The following PLAT variants were observed in gnomAD, a reference collection of about 807,000 sequenced individuals.
The protein encoded by PLAT is plasminogen activator, tissue type.
In PLAT, 48 loss-of-function variants were observed where a neutral mutation model predicts 74.9. The observed-to-expected ratio is 0.64, with a 90% CI of 0.51 to 0.82. PLAT has a LOEUF of 0.82. Among genes scored for constraint, PLAT ranks in the 40% least tolerant of loss-of-function variants. The pLI, the probability that PLAT is intolerant of heterozygous loss-of-function variation, is 0.00. For missense variants in PLAT, 673 were observed against 736.2 expected, an observed-to-expected ratio of 0.91 and a Z score of 0.99; for synonymous variants, 307 against 294.4, an observed-to-expected ratio of 1.04 and a Z score of -0.44.
chr8:42,177,450 A>T (rs1005647587), intron 13 of PLAT, among the ~76,000 whole-genome samples: 1 of 152,200 alleles, frequency 6.6e-6, no homozygotes, highest in Non-Finnish European at 1.5e-5. Context: ...GGTAAAGTAG[A>T]GTTAATTACT....
intron 3 of PLAT, among the ~76,000 whole-genome samples, chr8:42,189,924 C>CT (rs201306573): frequency 0.064 from 9,106 of 143,336 alleles, 919 homozygotes; most frequent in African/African-American, 0.22. Context: ...TTTTCTTTTT[C>CT]TTTTTTTTTT....
At chr8:42,179,263 C>T (rs189982403) in intron 12 of PLAT, among the ~76,000 whole-genome samples, 200 bp from the exon 13 acceptor site, 2 of 152,166 alleles carry the variant, frequency 1.3e-5, no homozygotes, top group African/African-American at 4.8e-5. Flanking sequence ...ACAGCCTCTC[C>T]GTAGTGGCAC....
intron 13 of PLAT, 147 bp from the exon 14 acceptor site, chr8:42,176,298 A>C: frequency 1.5e-6 from 1 of 650,986 alleles, no homozygotes; most frequent in South Asian, 2.1e-5. Flanking sequence ...TATAACTTTG[A>C]TGAGGAAAAC....
At chr8:42,187,110 A>G in intron 6 of PLAT, 1 of 314,236 alleles carries the variant, frequency 3.2e-6, no homozygotes, top group Non-Finnish European at 5.9e-6. Context: ...CTATCAATCT[A>G]TCATCTATCT....
rs1220743012 is a variant in PLAT, at chr8:42,207,551, T to C, written c.-84A>G. 1 of 152,268 alleles carries C rather than the reference T, an allele frequency of 6.6e-6. No homozygotes were observed. The highest frequency in any genetic ancestry group is 1.5e-5 in the Non-Finnish European group (1 of 68,094). The allele number at this position is 152,268 out of a possible 1,614,324, so 9.4% of individuals were successfully genotyped here. A position where few individuals can be genotyped will look rare whatever the true frequency, so the allele number is the denominator to read the frequency against. On this transcript the variant is annotated 5_prime_UTR_variant, in exon 1 of 14. Transcript: ENST00000220809. ...TTTTCTCTCCAGCCCTGGACTCCTGTAGGATCTCAGCTCTGAGCTCCCCAC... is the reference window on the plus strand; with the variant it reads ...TTTTCTCTCCAGCCCTGGACTCCTGCAGGATCTCAGCTCTGAGCTCCCCAC...
chr8:42,187,176 A>G (rs1805510595), intron 6 of PLAT: 2 of 454,706 alleles, frequency 4.4e-6, no homozygotes, highest in Non-Finnish European at 7.9e-6. Flanking sequence ...TCATCTATCT[A>G]TCATGTATGT....
intron 1 of PLAT, among the ~76,000 whole-genome samples, chr8:42,207,238 T>C (rs540931020): frequency 6.6e-6 from 1 of 152,288 alleles, no homozygotes; most frequent in African/African-American, 2.4e-5. Context: ...AGCAGAGGCT[T>C]CTCCAATGAA....
intron 11 of PLAT, 34 bp downstream of exon 11, chr8:42,180,208 G>C (rs1185508914): frequency 5.0e-6 from 8 of 1,612,988 alleles, no homozygotes; most frequent in Non-Finnish European, 6.8e-6. Context: ...TGTGTGATCT[G>C]TATGAACTGG....
At chr8:42,194,691 C>T (rs1291921036) in intron 1 of PLAT, among the ~76,000 whole-genome samples, 1 of 152,198 alleles carries the variant, frequency 6.6e-6, no homozygotes, top group Non-Finnish European at 1.5e-5. Flanking sequence ...ATAGAGCCAG[C>T]CTGCCTTAGA....
At chr8:42,203,992 T>TATATATATATATATATACACACACAC (rs1554499838) in intron 1 of PLAT, among the ~76,000 whole-genome samples, 33 of 109,842 alleles carry the variant, frequency 3.0e-4, no homozygotes, top group African/African-American at 1.4e-3. Flanking sequence ...TATATATATA[T>TATATATATATATATATACACACACAC]ACACACACAC....
intron 5 of PLAT, 114 bp downstream of exon 5, chr8:42,187,792 C>G: frequency 1.2e-6 from 1 of 819,178 alleles, no homozygotes; most frequent in South Asian, 1.6e-5. Context: ...AGCGCCTTCC[C>G]TGTCCCTGGC....
intron 1 of PLAT, among the ~76,000 whole-genome samples, chr8:42,201,592 G>A (rs1806134257): frequency 6.6e-6 from 1 of 152,106 alleles, no homozygotes; most frequent in African/African-American, 2.4e-5. Flanking sequence ...GTAGAATTTT[G>A]TGCCTTCATC....
chr8:42,182,955 G>A, intron 7 of PLAT, 65 bp from the exon 8 acceptor site: 1 of 1,364,294 alleles, frequency 7.3e-7, no homozygotes, highest in Non-Finnish European at 1.0e-6. Context: ...TCAGGGCTGG[G>A]GCTTGAAGCG....
intron 1 of PLAT, among the ~76,000 whole-genome samples, chr8:42,196,840 A>C (rs1587942517): frequency 6.6e-6 from 1 of 152,170 alleles, no homozygotes; most frequent in South Asian, 2.1e-4. Context: ...GAACTGAAAA[A>C]AAAAAAGGCA....
chr8:42,201,259 C>T (rs1806119052), intron 1 of PLAT, among the ~76,000 whole-genome samples: 1 of 152,230 alleles, frequency 6.6e-6, no homozygotes, highest in Non-Finnish European at 1.5e-5. Context: ...GCAACTCACT[C>T]TCTCTGAGCC....
intron 6 of PLAT, chr8:42,186,705 C>A (rs1204863758): frequency 6.6e-6 from 1 of 152,134 alleles, no homozygotes; most frequent in Non-Finnish European, 1.5e-5. Flanking sequence ...CTCTCTCTCT[C>A]TATTTCTCTC....
chr8:42,177,075 G>T (rs986830265), intron 13 of PLAT, among the ~76,000 whole-genome samples: 2 of 152,128 alleles, frequency 1.3e-5, no homozygotes, highest in African/African-American at 2.4e-5. Flanking sequence ...CACCTCCGGG[G>T]TTCAAGCAAT....
Position 42,185,162 on chromosome 8 carries a change from G to T in PLAT, c.550C>A (p.Arg184=), listed in dbSNP as rs374169548. The part of the protein sequence containing the change: ...GNHNYCRNPD[R]DSKPWCYVFK... ...ACGTAGCACCAGGGCTTTGAGTCTC[G>T]ATCTGGGTTTCTGAAAAATCAGCCA... Residue 184 remains arginine, a synonymous_variant, in exon 7 of 14, where the codon CGA becomes AGA. Transcript: ENST00000220809. The T allele has an allele frequency of 5.6e-6, 9 of 1,610,500 alleles. No homozygotes were observed. Among genetic ancestry groups the T allele is most frequent in the South Asian group, 1.1e-5 (1 of 90,664 alleles).
chr8:42,184,864 A>G (rs1448782388), intron 7 of PLAT: 1 of 404,278 alleles, frequency 2.5e-6, no homozygotes, highest in African/African-American at 2.1e-5. Context: ...ATTGAGGGTC[A>G]GAGTGTGAGG....
Sources: allele counts gnomAD v4.1 joint callset (sites outside exome capture counted in the v4.1 genomes callset), GRCh38; gene constraint gnomAD v4.1.1; transcripts MANE v1.5; gene names NCBI Gene and HGNC (gene_info 2026-07-23, HGNC 2026-07-21).